Variants in CLASRP observed in about 807,000 individuals in gnomAD.
CLASRP encodes the protein CLK4 associating serine/arginine rich protein.
A neutral mutation model predicts 99.9 loss-of-function variants in CLASRP; 52 were observed. The observed-to-expected ratio is 0.52, with a 90% confidence interval of 0.42 to 0.66. CLASRP has a LOEUF of 0.66. Ranked by LOEUF, CLASRP falls within the 30% of genes least tolerant of loss-of-function variation. CLASRP has a pLI of 0.00. For missense variants in CLASRP, 848 were observed against 999.2 expected (o/e 0.85, Z 2.04); for synonymous variants, 379 against 373.0 (o/e 1.02, Z -0.18).
chr19:45,051,057 C>A (rs1411512156), intron 2 of CLASRP, among the ~76,000 whole-genome samples: 1 of 151,918 alleles, frequency 6.6e-6, no homozygotes, highest in Non-Finnish European at 1.5e-5. Flanking sequence ...TGTCAGCCAG[C>A]CTAGTGTGGG....
chr19:45,068,206 C>T (rs2122613996), intron 15 of CLASRP, 152 bp downstream of exon 15: 1 of 704,466 alleles, frequency 1.4e-6, no homozygotes, highest in Middle Eastern at 3.8e-4. Flanking sequence ...CCTGTGAGAA[C>T]CATGTCCCTC....
At chr19:45,048,996 A>T (rs1286704618) in intron 2 of CLASRP, among the ~76,000 whole-genome samples, 1 of 152,200 alleles carries the variant, frequency 6.6e-6, no homozygotes, top group Non-Finnish European at 1.5e-5. Context: ...AAAAAAAGAA[A>T]AAGAATAGTA....
At position 45,060,764 on chromosome 19, in the gene CLASRP, C is replaced by T. The variant is rs1369194130; in HGVS notation, c.863+137C>T. The T allele has an allele frequency of 8.5e-6, 6 of 705,170 alleles. No homozygotes were observed. The highest frequency in any genetic ancestry group is 7.2e-5 in the African/African-American group (4 of 55,552). The allele number at this position is 705,170 out of a possible 1,614,324, so 43.7% of individuals were successfully genotyped here. ...TTCTAGTGGGGCGATGCATGGCCATCGTGAAGGTTTAGAGGTAGGAACGGC... is the reference window on the plus strand; with the variant it reads ...TTCTAGTGGGGCGATGCATGGCCATTGTGAAGGTTTAGAGGTAGGAACGGC... On this transcript the variant is annotated intron_variant, in intron 10 of 20. Coordinates refer to ENST00000221455, the MANE Select transcript of CLASRP (RefSeq NM_007056.3). This position sits in a 1 kb window ranked among gnomAD's most constrained non-coding sequence, Gnocchi z 4.6.
At chr19:45,070,288 T>C (rs889440282) in intron 19 of CLASRP, among the ~76,000 whole-genome samples, 184 bp downstream of exon 19, 5 of 152,092 alleles carry the variant, frequency 3.3e-5, no homozygotes, top group Non-Finnish European at 5.9e-5. Context: ...CTGACCAACA[T>C]GGTGACACAC....
chr19:45,068,221 C>T, intron 15 of CLASRP, 167 bp downstream of exon 15: 1 of 683,036 alleles, frequency 1.5e-6, no homozygotes, highest in Non-Finnish European at 2.7e-6. Context: ...TCCCTCTCCC[C>T]TCCTCACTGT....
Position 45,064,023 on chromosome 19 carries a change from A to T in CLASRP, c.917A>T (p.Glu306Val). ...TYDPYKRSPS[E>V]SSSESRSRSR... ...CTCCCTACCCGCAGGTCACCCTCGG[A>T]GTCCAGCTCAGAGTCCCGCTCCCGC... Residue 306 changes from glutamate (E) to valine (V), a missense_variant, in exon 12 of 21, where the codon GAG becomes GTG. Coordinates refer to ENST00000221455, the MANE Select transcript of CLASRP (RefSeq NM_007056.3). The T allele has an allele frequency of 1.2e-6, 2 of 1,611,340 alleles. No homozygotes were observed.
At chr19:45,053,638 C>T (rs1972068410) in intron 5 of CLASRP, among the ~76,000 whole-genome samples, 1 of 152,068 alleles carries the variant, frequency 6.6e-6, no homozygotes. Flanking sequence ...GCCACCACCC[C>T]CAGTTAGTTT....
intron 2 of CLASRP, 36 bp downstream of exon 2, chr19:45,040,347 C>G: frequency 6.7e-7 from 1 of 1,492,942 alleles, no homozygotes; most frequent in Non-Finnish European, 9.2e-7. Flanking sequence ...GTGAGGGACC[C>G]TGGGTTGGGG....
intron 16 of CLASRP, among the ~76,000 whole-genome samples, chr19:45,068,855 T>C (rs959681933): frequency 2.6e-5 from 4 of 152,084 alleles, no homozygotes. Flanking sequence ...GCCAGGCATG[T>C]TGGTGGGCGC....
Position 45,068,420 on chromosome 19 carries a change from C to A in CLASRP, c.1708C>A (p.Pro570Thr), listed in dbSNP as rs992365135. ...CCCGCCTCTTCTCCCCCCTCCCCAG[C>A]CCAAGCTGACGCCTCAGGAGAAGCT... ...AAGKETGAAK[P>T]KLTPQEKLKL... is the part of the protein sequence containing the mutation. Residue 570 changes from proline (P) to threonine (T), a missense_variant and splice_region_variant, in exon 16 of 21, where the codon CCC becomes ACC. By Grantham distance (38) the Pro-to-Thr change is conservative. Around this residue, in one of 8 missense-constraint regions of CLASRP, gnomAD observed 116 missense variants for 162.7 expected, o/e 0.71. Coordinates refer to ENST00000221455, the MANE Select transcript of CLASRP (RefSeq NM_007056.3). 3.7e-6 allele frequency: 6 copies of A among 1,607,500 alleles called. No homozygotes were observed. Among genetic ancestry groups the A allele is most frequent in the Admixed American group, 1.7e-5 (1 of 59,972 alleles).
intron 2 of CLASRP, among the ~76,000 whole-genome samples, chr19:45,041,054 CTA>C (rs1453266554): frequency 6.6e-6 from 1 of 151,824 alleles, no homozygotes; most frequent in Non-Finnish European, 1.5e-5. Flanking sequence ...AACCCCATCT[CTA>C]TTAAAATACA....
chr19:45,060,501 G>T lies in CLASRP; in HGVS notation c.789+34G>T. ...TGGGCTGGAGTGGAAGGGGACAGGG[G>T]TGTGTCACAGGGAGGGCACCCCCTC... On this transcript the variant is annotated intron_variant, in intron 9 of 20. Transcript: ENST00000221455. The surrounding 1 kb of genome is among the most constrained non-coding windows in gnomAD (Gnocchi z 4.6). 1.2e-6 allele frequency: 2 copies of T among 1,613,634 alleles called. No individual in the cohort carries two copies. The highest frequency in any genetic ancestry group is 1.7e-6 in the Non-Finnish European group (2 of 1,179,546).
Position 45,052,063 on chromosome 19 carries a change from C to T in CLASRP, c.100-8C>T, listed in dbSNP as rs1374462983. 1 of 1,612,812 alleles carries T rather than the reference C, an allele frequency of 6.2e-7. No individual in the cohort carries two copies. The highest frequency in any genetic ancestry group is 8.5e-7 in the Non-Finnish European group (1 of 1,179,232). On this transcript the variant is annotated splice_region_variant and splice_polypyrimidine_tract_variant and intron_variant, in intron 2 of 20. Coordinates refer to ENST00000221455, the MANE Select transcript of CLASRP (RefSeq NM_007056.3). The stretch of plus-strand genomic sequence containing the variant: ...GGGTGGTGACCTCAGTCCTGTTTAC[C>T]CCTGCAGAAGAAGGACCCAGCCCAG...
rs761472417 is a variant in CLASRP, at chr19:45,065,388, C to CAAA, written c.1409+779_1409+781dup. Among the ~76,000 whole-genome samples, 714 of 84,874 alleles carry CAAA rather than the reference C, an allele frequency of 8.4e-3. 12 individuals carry two copies. The highest frequency in any genetic ancestry group is 0.027 in the African/African-American group (664 of 24,966). The allele number at this position is 84,874 out of a possible 152,430, so 55.7% of individuals were successfully genotyped here. A position where few individuals can be genotyped will look rare whatever the true frequency, so the allele number is the denominator to read the frequency against. The stretch of plus-strand genomic sequence containing the variant: ...CTGGTGACAGAGTGAGATTCCGTCT[C>CAAA]AAAAAAAAAAAAAAAAAAAAAAATT... On this transcript the variant is annotated intron_variant, in intron 13 of 20. Coordinates refer to ENST00000221455, the MANE Select transcript of CLASRP (RefSeq NM_007056.3).
At chr19:45,052,728 G>GTAGAT in intron 3 of CLASRP, 63 bp from the exon 4 acceptor site, 2 of 1,234,768 alleles carry the variant, frequency 1.6e-6, no homozygotes, top group Admixed American at 2.0e-5. Flanking sequence ...GGGAGCAGGT[G>GTAGAT]CTTTGTGTCC....
In CLASRP at chr19:45,060,485, G is replaced by A. The variant is rs371094517; in HGVS notation, c.789+18G>A. The A allele has an allele frequency of 6.2e-7, 1 of 1,614,122 alleles. No homozygotes were observed. Among genetic ancestry groups the A allele is most frequent in the Non-Finnish European group, 8.5e-7 (1 of 1,179,948 alleles). On this transcript the variant is annotated intron_variant, in intron 9 of 20. Transcript: ENST00000221455. This position sits in a 1 kb window ranked among gnomAD's most constrained non-coding sequence, Gnocchi z 4.6. Reference sequence around the variant, plus strand: ...TGTACTCGGTGAGGTCTGGGCTGGAGTGGAAGGGGACAGGGGTGTGTCACA... The same window carrying A: ...TGTACTCGGTGAGGTCTGGGCTGGAATGGAAGGGGACAGGGGTGTGTCACA...
rs771142252 is a variant in CLASRP at position 45,059,350 on chromosome 19, C to A, written c.696C>A (p.Asp232Glu). The A allele has an allele frequency of 5.0e-6, 8 of 1,591,664 alleles. No homozygotes were observed. ...NKQATTYGMA[D>E]GDFVRMLRKD... ...AGGCCACGACTTATGGCATGGCCGA[C>A]GGTGACTTCGTCAGGTGAGGCCTGC... The change falls in exon 8 of 21, where the codon GAC becomes GAA. Residue 232 changes from aspartate to glutamate, a missense_variant. Around this residue, in one of 8 missense-constraint regions of CLASRP, gnomAD observed 119 missense variants for 170.2 expected, o/e 0.70. Transcript: ENST00000221455.
intron 19 of CLASRP, 64 bp downstream of exon 19, chr19:45,070,168 C>CA (rs1967203545): frequency 2.8e-6 from 3 of 1,078,364 alleles, no homozygotes; most frequent in African/African-American, 1.6e-5. Context: ...GCAGGGTTAC[C>CA]AAAAAAACCA....
At chr19:45,055,804 G>A (rs953921689) in intron 5 of CLASRP, among the ~76,000 whole-genome samples, 1 of 152,262 alleles carries the variant, frequency 6.6e-6, no homozygotes, top group East Asian at 1.9e-4. Flanking sequence ...TTGCACTCCA[G>A]CCTGTGCAAC....
Sources: gnomAD v4.1 joint callset for allele counts (sites outside exome capture counted in the v4.1 genomes callset) on GRCh38, gnomAD v4.1.1 for gene constraint, gnomAD v4.1.1 regional missense constraint, Gnocchi (gnomAD v3.1) non-coding constraint, MANE v1.5 for transcripts, NCBI Gene and HGNC (gene_info 2026-07-23, HGNC 2026-07-21) for gene names.